The following LANCL2 variants were observed in gnomAD, a reference collection of about 807,000 sequenced individuals.
LANCL2 encodes LanC like glutathione S-transferase 2.
In LANCL2, 33 loss-of-function variants were observed where a neutral mutation model predicts 56.9. That is an observed-to-expected ratio of 0.58 (90% CI 0.44 to 0.78). The LOEUF (loss-of-function observed/expected upper bound fraction) is 0.78, where lower values mean the gene tolerates loss of function less well. LANCL2 is among the 30% of genes least tolerant of loss of function. The pLI is 0.00. For missense variants in LANCL2, 562 were observed against 580.2 expected, an observed-to-expected ratio of 0.97 and a Z score of 0.32; for synonymous variants, 233 against 228.2, an observed-to-expected ratio of 1.02 and a Z score of -0.19.
At chr7:55,375,900 C>T (rs1317169699) in intron 1 of LANCL2, among the ~76,000 whole-genome samples, 1 of 152,234 alleles carries the variant, frequency 6.6e-6, no homozygotes, top group Non-Finnish European at 1.5e-5. Flanking sequence ...ATGCTTTCCA[C>T]ATGGTCCTTA....
intron 1 of LANCL2, among the ~76,000 whole-genome samples, chr7:55,372,107 G>C (rs1789949956): frequency 6.6e-6 from 1 of 152,196 alleles, no homozygotes; most frequent in Non-Finnish European, 1.5e-5. Context: ...GAGAAGCATT[G>C]AGGAAAACTG....
chr7:55,424,035 G>A (rs1187733298), intron 6 of LANCL2, among the ~76,000 whole-genome samples: 1 of 152,200 alleles, frequency 6.6e-6, no homozygotes, highest in East Asian at 1.9e-4. Context: ...TCTCGGCTGA[G>A]TGTCCAGCTC....
intron 1 of LANCL2, among the ~76,000 whole-genome samples, chr7:55,374,246 A>G (rs1183546200): frequency 6.6e-6 from 1 of 152,244 alleles, no homozygotes; most frequent in Non-Finnish European, 1.5e-5. Flanking sequence ...CGAAGCATAC[A>G]TAGCAGATGA....
At position 55,365,947 on chromosome 7, in the gene LANCL2, C is replaced by CGGA. The variant is rs1789855918; in HGVS notation, c.-73_-71dup. The CGGA allele has an allele frequency of 1.7e-5, 20 of 1,191,166 alleles. No individual in the cohort carries two copies. Among genetic ancestry groups the CGGA allele is most frequent in the Non-Finnish European group, 2.1e-5 (19 of 893,158 alleles). The allele number at this position is 1,191,166 out of a possible 1,614,324, so 73.8% of individuals were successfully genotyped here. On this transcript the variant is annotated 5_prime_UTR_variant, in exon 1 of 9. Transcript: ENST00000254770. The stretch of plus-strand genomic sequence containing the variant: ...AGAGGACGCTCTCTGCGCGGGCCCT[C>CGGA]GGAGGAGGCGGCGGCGGGGCGAGCT...
chr7:55,375,562 G>C (rs1789991309), intron 1 of LANCL2, among the ~76,000 whole-genome samples: 1 of 152,204 alleles, frequency 6.6e-6, no homozygotes, highest in Non-Finnish European at 1.5e-5. Context: ...GCCACTTGAA[G>C]GATTAGCTAA....
chr7:55,421,930 C>A (rs1485987427), intron 6 of LANCL2, among the ~76,000 whole-genome samples: 1 of 152,096 alleles, frequency 6.6e-6, no homozygotes, highest in African/African-American at 2.4e-5. Context: ...AGGGTCCTCA[C>A]TATGTTGCCC....
chr7:55,412,783 A>G (rs1012038946), intron 6 of LANCL2, among the ~76,000 whole-genome samples: 1 of 152,190 alleles, frequency 6.6e-6, no homozygotes, highest in Non-Finnish European at 1.5e-5. Flanking sequence ...ATTGTTGCTC[A>G]TACATCAGAG....
intron 1 of LANCL2, among the ~76,000 whole-genome samples, chr7:55,368,122 C>T (rs1363229356): frequency 6.6e-6 from 1 of 152,174 alleles, no homozygotes; most frequent in Non-Finnish European, 1.5e-5. Flanking sequence ...GAACTCTTGA[C>T]ATGAGAATAA....
intron 6 of LANCL2, among the ~76,000 whole-genome samples, chr7:55,424,416 G>T (rs1395278048): frequency 6.6e-6 from 1 of 152,124 alleles, no homozygotes; most frequent in Non-Finnish European, 1.5e-5. Flanking sequence ...TCCTAGCCTG[G>T]TGGTGCAGGG....
intron 6 of LANCL2, among the ~76,000 whole-genome samples, chr7:55,415,835 G>C (rs1790530302): frequency 6.6e-6 from 1 of 151,906 alleles, no homozygotes; most frequent in Non-Finnish European, 1.5e-5. Context: ...GGCTAGTCTT[G>C]AACTCCTGAC....
chr7:55,427,267 T>C (rs1309719154), intron 7 of LANCL2, among the ~76,000 whole-genome samples: 1 of 152,186 alleles, frequency 6.6e-6, no homozygotes, highest in Non-Finnish European at 1.5e-5. Flanking sequence ...GCCTCAGCAC[T>C]AATATTTTTC....
In LANCL2 at chr7:55,432,340, C is replaced by A. The variant is rs1186213219; in HGVS notation, c.*1020C>A. On this transcript the variant is annotated 3_prime_UTR_variant, in exon 9 of 9. Transcript: ENST00000254770. Reference sequence around the variant, plus strand: ...GAATGCATTTCCTATTTTTTGTCTACTTTTGGGTGATAAAAAGTACTAGCC... The same window carrying A: ...GAATGCATTTCCTATTTTTTGTCTAATTTTGGGTGATAAAAAGTACTAGCC... The A allele has an allele frequency of 6.6e-6, 1 of 152,134 alleles. No homozygotes were observed. Among genetic ancestry groups the A allele is most frequent in the African/African-American group, 2.4e-5 (1 of 41,422 alleles). 9.4% of individuals were successfully genotyped at this position (152,134 alleles called of 1,614,324 possible). A position where few individuals can be genotyped will look rare whatever the true frequency, so the allele number is the denominator to read the frequency against.
intron 1 of LANCL2, among the ~76,000 whole-genome samples, chr7:55,368,700 C>T (rs931343221): frequency 1.3e-5 from 2 of 151,570 alleles, no homozygotes; most frequent in African/African-American, 4.9e-5. Context: ...TTGTGTCCCC[C>T]ACCAGAAAAA....
chr7:55,379,288 A>C (rs10255788), intron 1 of LANCL2, among the ~76,000 whole-genome samples: 53,407 of 152,066 alleles, frequency 0.35, 9,853 homozygotes, highest in African/African-American at 0.42. Context: ...ACTCAACTTA[A>C]ACGTACTTTA....
intron 1 of LANCL2, among the ~76,000 whole-genome samples, 156 bp downstream of exon 1, chr7:55,366,385 C>A (rs919214141): frequency 6.6e-6 from 1 of 152,250 alleles, no homozygotes; most frequent in Non-Finnish European, 1.5e-5. Context: ...CCCGATGAGC[C>A]GCGCTTAGGG....
At chr7:55,376,724 A>G (rs1159561765) in intron 1 of LANCL2, among the ~76,000 whole-genome samples, 1 of 152,196 alleles carries the variant, frequency 6.6e-6, no homozygotes, top group Non-Finnish European at 1.5e-5. Flanking sequence ...CATATTTGAT[A>G]TTGCTAGTCA....
chr7:55,378,275 C>G (rs1790025388), intron 1 of LANCL2, among the ~76,000 whole-genome samples: 1 of 152,060 alleles, frequency 6.6e-6, no homozygotes. Context: ...TTCTGGCCAA[C>G]ATGGGGAAAC....
Position 55,411,938 on chromosome 7 carries a change from C to G in LANCL2, c.857C>G (p.Thr286Arg). ...GCAAAAGTGGACCAAGAAACCTTGA[C>G]AGAAATGGTGAAACCCAGTATTGAT... ...PAAKVDQETLTEMVKPSIDYV... is the reference protein window; with the variant it reads ...PAAKVDQETLREMVKPSIDYV... The change falls in exon 6 of 9, where the codon ACA becomes AGA. Residue 286 changes from threonine (T) to arginine (R), a missense_variant. Physicochemically the swap from Thr to Arg is moderately conservative, Grantham distance 71. Around this residue, in one of 2 missense-constraint regions of LANCL2, gnomAD observed 378 missense variants for 468.4 expected, o/e 0.81. Coordinates refer to ENST00000254770, the MANE Select transcript of LANCL2 (RefSeq NM_018697.4). The G allele has an allele frequency of 6.2e-7, 1 of 1,613,024 alleles. No individual in the cohort carries two copies. Among genetic ancestry groups the G allele is most frequent in the Non-Finnish European group, 8.5e-7 (1 of 1,179,468 alleles).
intron 2 of LANCL2, among the ~76,000 whole-genome samples, chr7:55,398,159 G>A (rs1197468480): frequency 2.0e-5 from 3 of 152,154 alleles, no homozygotes; most frequent in Non-Finnish European, 2.9e-5. Flanking sequence ...CTGTGAATAA[G>A]AGGTATTAAA....
Sources: gnomAD v4.1 joint callset for allele counts (sites outside exome capture counted in the v4.1 genomes callset) on GRCh38, gnomAD v4.1.1 for gene constraint, gnomAD v4.1.1 regional missense constraint, MANE v1.5 for transcripts, NCBI Gene and HGNC (gene_info 2026-07-23, HGNC 2026-07-21) for gene names.